Variants in ASCC3 observed in about 807,000 individuals in gnomAD.
ASCC3 encodes the protein ASC-1 complex subunit P200.
In ASCC3, 158 loss-of-function variants were observed where a neutral mutation model predicts 256.3. The ratio of observed to expected loss-of-function variants is 0.62; its 90% CI spans 0.54 to 0.70. The LOEUF is 0.70. Ranked by LOEUF, ASCC3 falls within the 30% of genes least tolerant of loss-of-function variation. The pLI is 0.00. For synonymous variants in ASCC3, 948 were observed against 883.4 expected (o/e 1.07, Z -1.30); for missense variants, 2,259 against 2,626.0 (o/e 0.86, Z 3.05).
intron 8 of ASCC3, among the ~76,000 whole-genome samples, chr6:100,778,101 T>TG (rs1236753037): frequency 6.9e-5 from 2 of 28,882 alleles, no homozygotes; most frequent in Non-Finnish European, 2.5e-4. Context: ...TGTAAGATGG[T>TG]GGAAAAAAAA....
At chr6:100,627,745 T>G in intron 28 of ASCC3, 35 bp from the exon 29 acceptor site, 1 of 1,609,318 alleles carries the variant, frequency 6.2e-7, no homozygotes, top group East Asian at 2.3e-5. Flanking sequence ...CATTTTCAAT[T>G]TTTATATTGA....
At chr6:100,857,165 G>C (rs1295480819) in intron 3 of ASCC3, 2 of 152,084 alleles carry the variant, frequency 1.3e-5, no homozygotes, top group African/African-American at 4.8e-5. Flanking sequence ...TACCAATGAA[G>C]CTGAAGCCCT....
At chr6:100,702,595 T>C (rs1778404134) in intron 13 of ASCC3, among the ~76,000 whole-genome samples, 1 of 152,004 alleles carries the variant, frequency 6.6e-6, no homozygotes, top group African/African-American at 2.4e-5. Context: ...GAGCTAAATT[T>C]ATAAAGGGTC....
chr6:100,525,530 T>C (rs1774539626), intron 37 of ASCC3, among the ~76,000 whole-genome samples: 1 of 152,030 alleles, frequency 6.6e-6, no homozygotes, highest in African/African-American at 2.4e-5. Flanking sequence ...TCATCACACA[T>C]TGTATACCTG....
chr6:100,572,333 C>T (rs908444248), intron 36 of ASCC3, among the ~76,000 whole-genome samples: 1 of 152,184 alleles, frequency 6.6e-6, no homozygotes, highest in African/African-American at 2.4e-5. Flanking sequence ...TCACCAAACA[C>T]TGAATCTGCT....
intron 17 of ASCC3, among the ~76,000 whole-genome samples, chr6:100,655,398 C>T (rs1004610710): frequency 1.3e-4 from 20 of 151,498 alleles, no homozygotes; most frequent in South Asian, 2.1e-4. Flanking sequence ...TATTCTAAAA[C>T]GAAATTTCTC....
At position 100,744,543 on chromosome 6, in the gene ASCC3, T is replaced by C. The variant is rs533903109; in HGVS notation, c.1738-18840A>G. The stretch of plus-strand genomic sequence containing the variant: ...AAATGACAAACTAATAAAAATAGTA[T>C]TTCCAGTTACTAATTTGAATGTGTT... On this transcript the variant is annotated intron_variant, in intron 10 of 41. Coordinates refer to ENST00000369162, the MANE Select transcript of ASCC3 (RefSeq NM_006828.4). 1.9e-3 allele frequency among the ~76,000 whole-genome samples: 290 copies of C among 152,328 alleles called. 2 individuals are homozygous for C. The highest frequency in any genetic ancestry group is 3.4e-3 in the Middle Eastern group (1 of 294).
intron 8 of ASCC3, among the ~76,000 whole-genome samples, chr6:100,778,003 T>C (rs1346048157): frequency 6.6e-6 from 1 of 151,944 alleles, no homozygotes; most frequent in African/African-American, 2.4e-5. Context: ...TGGTTTATAC[T>C]GGAGTGTCAG....
In ASCC3 at chr6:100,517,904, T is replaced by C; in HGVS notation, c.5927+87A>G. 4 of 1,403,188 alleles carry C rather than the reference T, an allele frequency of 2.9e-6. No individual in the cohort carries two copies. The South Asian group carries it at 4.8e-5, about 17-fold the overall frequency. The allele number at this position is 1,403,188 out of a possible 1,614,324, so 86.9% of individuals were successfully genotyped here. On this transcript the variant is annotated intron_variant, in intron 38 of 41. Transcript: ENST00000369162. ...CCATGTCAATAATCAGTATTCTCCA[T>C]AACATAAAATTTCAGTGACTACATA... is the stretch of plus-strand genomic sequence containing the variant.
chr6:100,855,717 T>C (rs1013022657), intron 3 of ASCC3, among the ~76,000 whole-genome samples: 6 of 152,206 alleles, frequency 3.9e-5, no homozygotes, highest in South Asian at 2.1e-4. Flanking sequence ...ATTTAACCCA[T>C]AGAAGCAACT....
At chr6:100,695,584 T>A (rs1778044480) in intron 13 of ASCC3, among the ~76,000 whole-genome samples, 1 of 152,158 alleles carries the variant, frequency 6.6e-6, no homozygotes, top group Admixed American at 6.5e-5. Flanking sequence ...GCCTAGAGAC[T>A]CCTTTCTTAT....
At chr6:100,692,855 A>C (rs1777901713) in intron 13 of ASCC3, among the ~76,000 whole-genome samples, 1 of 152,064 alleles carries the variant, frequency 6.6e-6, no homozygotes, top group South Asian at 2.1e-4. Context: ...TAGAAGATTT[A>C]ATGACAAGAT....
intron 16 of ASCC3, 74 bp from the exon 17 acceptor site, chr6:100,655,892 C>G (rs1775892050): frequency 6.4e-7 from 1 of 1,551,000 alleles, no homozygotes. Context: ...TCCATTCTGT[C>G]AGAGGTGAAG....
chr6:100,710,472 G>C (rs934709060), intron 13 of ASCC3, among the ~76,000 whole-genome samples: 1 of 152,116 alleles, frequency 6.6e-6, no homozygotes, highest in African/African-American at 2.4e-5. Flanking sequence ...ATTTACCATA[G>C]TAAGAGCCTG....
At chr6:100,576,477 AG>A (rs1222303993) in intron 36 of ASCC3, among the ~76,000 whole-genome samples, 1 of 152,032 alleles carries the variant, frequency 6.6e-6, no homozygotes, top group East Asian at 1.9e-4. Context: ...AATAGGATAA[AG>A]ATAGAATATG....
intron 13 of ASCC3, among the ~76,000 whole-genome samples, chr6:100,711,136 T>C (rs930609745): frequency 6.6e-6 from 1 of 151,866 alleles, no homozygotes; most frequent in African/African-American, 2.4e-5. Flanking sequence ...CTATGTTCCA[T>C]ACTAAAGTAC....
intron 25 of ASCC3, among the ~76,000 whole-genome samples, chr6:100,634,522 G>C (rs891044678): frequency 2.0e-5 from 3 of 152,046 alleles, no homozygotes; most frequent in African/African-American, 7.2e-5. Context: ...ATCCAAAATA[G>C]AAACTTACAC....
intron 36 of ASCC3, among the ~76,000 whole-genome samples, chr6:100,567,483 T>C (rs1291771081): frequency 6.6e-6 from 1 of 152,200 alleles, no homozygotes. Flanking sequence ...TACTGTGTGA[T>C]GCTGAGGTTT....
chr6:100,711,780 T>G (rs1778866173), intron 13 of ASCC3, among the ~76,000 whole-genome samples: 1 of 152,148 alleles, frequency 6.6e-6, no homozygotes, highest in Non-Finnish European at 1.5e-5. Context: ...GGTTCTCTTG[T>G]GATGGAAGAA....
Sources: allele counts gnomAD v4.1 joint callset (sites outside exome capture counted in the v4.1 genomes callset), GRCh38; gene constraint gnomAD v4.1.1; transcripts MANE v1.5; gene names NCBI Gene and HGNC (gene_info 2026-07-23, HGNC 2026-07-21).